The following BEND7 variants were observed in gnomAD, a reference collection of about 807,000 sequenced individuals.
BEND7 encodes BEN domain-containing protein 7.
In BEND7, 28 loss-of-function variants were observed where a neutral mutation model predicts 50.9. That is an observed-to-expected ratio of 0.55 (90% CI 0.41 to 0.75). The LOEUF (loss-of-function observed/expected upper bound fraction) is 0.75. BEND7 is among the 30% of genes least tolerant of loss of function. The pLI is 0.00. For missense variants in BEND7, 477 were observed against 491.3 expected, an observed-to-expected ratio of 0.97 and a Z score of 0.28; for synonymous variants, 170 against 183.9, an observed-to-expected ratio of 0.92 and a Z score of 0.61.
intron 6 of BEND7, among the ~76,000 whole-genome samples, chr10:13,466,901 C>T (rs908618007): frequency 1.6e-4 from 24 of 152,194 alleles, no homozygotes; most frequent in African/African-American, 5.8e-4. Context: ...ATGAACGCCT[C>T]CAGTGCCAGG....
In BEND7 at chr10:13,446,933, C is replaced by T. The variant is rs547930125; in HGVS notation, c.1234+333G>A. 14 of 323,240 alleles carry T rather than the reference C, an allele frequency of 4.3e-5. No homozygotes were observed. In the Admixed American group the frequency reaches 5.6e-4, roughly 13 times the overall value. 20.0% of individuals were successfully genotyped at this position (323,240 alleles called of 1,614,324 possible). A position where few individuals can be genotyped will look rare whatever the true frequency, so the allele number is the denominator to read the frequency against. On this transcript the variant is annotated intron_variant, in intron 8 of 8. Coordinates refer to ENST00000466271, the MANE Select transcript of BEND7 (RefSeq NM_001369863.1). ...AATTTGATCACACAAAATTAGTGGT[C>T]CCCGTTTTAAGGTGAAATCTCATTT...
intron 2 of BEND7, among the ~76,000 whole-genome samples, chr10:13,510,397 G>T (rs891307810): frequency 1.8e-4 from 27 of 152,126 alleles, no homozygotes; most frequent in Admixed American, 4.6e-4. Flanking sequence ...GGCAGAATAT[G>T]GGAATTCCAC....
At chr10:13,473,969 A>G (rs1471060624) in intron 6 of BEND7, among the ~76,000 whole-genome samples, 2 of 152,034 alleles carry the variant, frequency 1.3e-5, no homozygotes, top group Non-Finnish European at 2.9e-5. Context: ...CTCGGGGCCA[A>G]TACTTGTCAT....
At chr10:13,501,658 G>A (rs1322953881) in intron 2 of BEND7, among the ~76,000 whole-genome samples, 2 of 152,000 alleles carry the variant, frequency 1.3e-5, no homozygotes, top group East Asian at 1.9e-4. Flanking sequence ...ACCAGCCTGG[G>A]CAATATGGAG....
chr10:13,500,148 A>G (rs2077336627), intron 2 of BEND7, 68 bp from the exon 3 acceptor site: 1 of 1,278,356 alleles, frequency 7.8e-7, no homozygotes. Flanking sequence ...CTAACCAAAA[A>G]GAAGAGAAAG....
intron 2 of BEND7, among the ~76,000 whole-genome samples, chr10:13,506,539 T>C (rs2077905963): frequency 6.6e-6 from 1 of 152,132 alleles, no homozygotes; most frequent in Non-Finnish European, 1.5e-5. Context: ...GGCAGAAGAA[T>C]TGTACACTGG....
At chr10:13,456,492 G>T (rs1394923920) in intron 6 of BEND7, among the ~76,000 whole-genome samples, 1 of 152,192 alleles carries the variant, frequency 6.6e-6, no homozygotes, top group African/African-American at 2.4e-5. Context: ...TTAGTGGAAA[G>T]GTTCCATCAA....
chr10:13,491,072 G>A (rs2076622132), intron 5 of BEND7, among the ~76,000 whole-genome samples: 2 of 152,078 alleles, frequency 1.3e-5, no homozygotes, highest in African/African-American at 4.8e-5. Context: ...CCAAAGTGTT[G>A]GGATTACAGG....
chr10:13,499,683 G>A (rs2077295741), intron 3 of BEND7, 95 bp downstream of exon 3: 4 of 1,338,332 alleles, frequency 3.0e-6, no homozygotes, highest in East Asian at 2.4e-5. Context: ...AATTATGGGA[G>A]GGTTTAATAA....
intron 3 of BEND7, among the ~76,000 whole-genome samples, chr10:13,497,135 G>A (rs551113663): frequency 3.9e-4 from 59 of 152,170 alleles, no homozygotes; most frequent in Non-Finnish European, 7.8e-4. Context: ...GCGGGAGCCC[G>A]CATGCACACA....
intron 5 of BEND7, among the ~76,000 whole-genome samples, 161 bp downstream of exon 5, chr10:13,492,445 CAGAAA>C (rs1264114772): frequency 2.0e-5 from 3 of 152,214 alleles, no homozygotes; most frequent in Non-Finnish European, 1.5e-5. Flanking sequence ...ATCACATTTT[CAGAAA>C]AGAAAACTCC....
intron 5 of BEND7, among the ~76,000 whole-genome samples, chr10:13,488,075 T>A (rs933388690): frequency 2.2e-5 from 3 of 137,598 alleles, no homozygotes; most frequent in Admixed American, 7.4e-5. Flanking sequence ...AGTGAGACTC[T>A]GTCTCAATTA....
intron 6 of BEND7, among the ~76,000 whole-genome samples, chr10:13,472,565 T>G (rs1267513339): frequency 6.6e-6 from 1 of 151,692 alleles, no homozygotes; most frequent in African/African-American, 2.4e-5. Flanking sequence ...CCGATATCCG[T>G]CATCACTGTT....
intron 8 of BEND7, chr10:13,445,212 G>C (rs1161155204): frequency 6.6e-6 from 1 of 152,152 alleles, no homozygotes; most frequent in Non-Finnish European, 1.5e-5. Context: ...GAAAAGATCT[G>C]CAAGTGTGTT....
At chr10:13,527,283 A>C (rs190659220) in intron 1 of BEND7, among the ~76,000 whole-genome samples, 2 of 152,212 alleles carry the variant, frequency 1.3e-5, no homozygotes, top group Non-Finnish European at 2.9e-5. Context: ...GCGTGAAACT[A>C]TTTCAGGCCT....
Position 13,492,673 on chromosome 10 carries a change from TG to T in BEND7, c.774del (p.His258GlnfsTer10). On this transcript the variant is annotated frameshift_variant, in exon 5 of 9. Coordinates refer to ENST00000466271, the MANE Select transcript of BEND7 (RefSeq NM_001369863.1). LOFTEE classifies it high-confidence loss of function. ...AGAACGCGGCTCTCCTCCGGGGAGG[TG>T]TGCTCGGCTGCCTGGAGAGCAGATA... The part of the protein sequence containing the change: ...SELSALQAAE[H>X]TSPEESRVLG... 1 of 1,613,892 alleles carries T rather than the reference TG, an allele frequency of 6.2e-7. No individual in the cohort carries two copies. Among genetic ancestry groups the T allele is most frequent in the Non-Finnish European group, 8.5e-7 (1 of 1,179,980 alleles).
intron 6 of BEND7, 143 bp downstream of exon 6, chr10:13,480,756 A>C: frequency 1.4e-6 from 2 of 1,469,964 alleles, no homozygotes; most frequent in Non-Finnish European, 1.8e-6. Context: ...CAGAGCTCAC[A>C]CCCGAAAGCC....
At chr10:13,494,374 G>A (rs554619172) in intron 4 of BEND7, among the ~76,000 whole-genome samples, 4 of 152,284 alleles carry the variant, frequency 2.6e-5, no homozygotes, top group South Asian at 2.1e-4. Context: ...CCGAGATTAC[G>A]CCACTGCACT....
chr10:13,493,285 G>C (rs1159105222), intron 4 of BEND7, among the ~76,000 whole-genome samples: 2 of 152,168 alleles, frequency 1.3e-5, no homozygotes, highest in African/African-American at 4.8e-5. Context: ...GATTACATTT[G>C]GGGTTAGACT....
Sources: allele counts gnomAD v4.1 joint callset (sites outside exome capture counted in the v4.1 genomes callset), GRCh38; gene constraint gnomAD v4.1.1; transcripts MANE v1.5; gene names NCBI Gene and HGNC (gene_info 2026-07-23, HGNC 2026-07-21).